Variants in PHYHIPL observed in about 807,000 individuals in gnomAD.
PHYHIPL encodes phytanoyl-CoA 2-hydroxylase interacting protein like.
PHYHIPL carries 9 observed loss-of-function variants against 33.4 expected under a neutral mutation model. The ratio of observed to expected loss-of-function variants is 0.27; its 90% CI spans 0.16 to 0.47. The LOEUF (loss-of-function observed/expected upper bound fraction) is 0.47, where lower values mean the gene tolerates loss of function less well. PHYHIPL is among the 20% of genes least tolerant of loss of function. The pLI is 0.99. For synonymous variants in PHYHIPL, 153 were observed against 154.1 expected (o/e 0.99, Z 0.05); for missense variants, 365 against 460.7 (o/e 0.79, Z 1.90).
intron 4 of PHYHIPL, among the ~76,000 whole-genome samples, chr10:59,242,964 A>C (rs1589302068): frequency 6.6e-6 from 1 of 152,318 alleles, no homozygotes; most frequent in East Asian, 1.9e-4. Context: ...GAAAAGACAA[A>C]GAGGGTGGGG....
At chr10:59,242,839 A>C (rs1840451671) in intron 4 of PHYHIPL, among the ~76,000 whole-genome samples, 1 of 152,228 alleles carries the variant, frequency 6.6e-6, no homozygotes, top group South Asian at 2.1e-4. Context: ...TGAAGATAGA[A>C]TAGAAATTAC....
At chr10:59,228,078 A>G (rs1405617207) in intron 1 of PHYHIPL, among the ~76,000 whole-genome samples, 1 of 151,626 alleles carries the variant, frequency 6.6e-6, no homozygotes, top group African/African-American at 2.4e-5. Flanking sequence ...AAAAACCAAT[A>G]TGATTCAACA....
chr10:59,222,218 G>A (rs1194646874), intron 1 of PHYHIPL, among the ~76,000 whole-genome samples: 4 of 151,946 alleles, frequency 2.6e-5, no homozygotes, highest in African/African-American at 9.7e-5. Flanking sequence ...CCAAAATCGG[G>A]GTGAAATGCC....
At chr10:59,224,514 C>G (rs1236403387) in intron 1 of PHYHIPL, among the ~76,000 whole-genome samples, 2 of 148,966 alleles carry the variant, frequency 1.3e-5, no homozygotes, top group Non-Finnish European at 3.0e-5. Flanking sequence ...AAACAAAAAA[C>G]AAAACAAAAC....
At chr10:59,197,143 A>G (rs2133209214) in intron 1 of PHYHIPL, among the ~76,000 whole-genome samples, 1 of 152,308 alleles carries the variant, frequency 6.6e-6, no homozygotes, top group African/African-American at 2.4e-5. Context: ...TTTCTCAGGC[A>G]TTGACCTTCA....
intron 1 of PHYHIPL, 110 bp from the exon 2 acceptor site, chr10:59,234,194 A>T: frequency 1.2e-6 from 1 of 826,880 alleles, no homozygotes. Context: ...AGTAAAGATG[A>T]TAAGGAGTAA....
chr10:59,186,596 A>G (rs1838612637), intron 1 of PHYHIPL, among the ~76,000 whole-genome samples: 1 of 152,090 alleles, frequency 6.6e-6, no homozygotes, highest in Non-Finnish European at 1.5e-5. Context: ...TCCTATCCAT[A>G]AGCATGGAAT....
In PHYHIPL at chr10:59,245,681, A is replaced by G; in HGVS notation, c.*90A>G. On this transcript the variant is annotated 3_prime_UTR_variant, in exon 5 of 5. Coordinates refer to ENST00000373880, the MANE Select transcript of PHYHIPL (RefSeq NM_032439.4). ...CCATTTTTATCACCAGATGTTTTCC[A>G]CTGAAGCATGCACATGCCACTGTCA... 7.3e-7 allele frequency: 1 copy of G among 1,376,422 alleles called. No homozygotes were observed. Among genetic ancestry groups the G allele is most frequent in the Non-Finnish European group, 9.8e-7 (1 of 1,018,578 alleles). 85.3% of individuals were successfully genotyped at this position (1,376,422 alleles called of 1,614,324 possible). A position where few individuals can be genotyped will look rare whatever the true frequency, so the allele number is the denominator to read the frequency against.
intron 1 of PHYHIPL, among the ~76,000 whole-genome samples, chr10:59,194,472 T>A (rs890666624): frequency 3.3e-5 from 5 of 152,206 alleles, no homozygotes; most frequent in African/African-American, 1.2e-4. Flanking sequence ...TTTCCCTGAA[T>A]GCATGCATAG....
intron 1 of PHYHIPL, among the ~76,000 whole-genome samples, chr10:59,209,195 A>G (rs917099497): frequency 7.2e-5 from 11 of 152,224 alleles, no homozygotes; most frequent in Non-Finnish European, 1.3e-4. Context: ...TGGGTTACCC[A>G]CAAAGGGAAG....
At chr10:59,218,913 C>CT (rs1290220522) in intron 1 of PHYHIPL, among the ~76,000 whole-genome samples, 2 of 151,698 alleles carry the variant, frequency 1.3e-5, no homozygotes, top group African/African-American at 2.4e-5. Context: ...ACAATTTATT[C>CT]TTTTTTATTT....
chr10:59,176,837 CAG>C lies in PHYHIPL; in HGVS notation c.-14_-13del. On this transcript the variant is annotated 5_prime_UTR_variant, in exon 1 of 5. Coordinates refer to ENST00000373880, the MANE Select transcript of PHYHIPL (RefSeq NM_032439.4). ...GCCTGGATACGAAGCAGGCGGGCTT[CAG>C]AGTGGGTTGGAAAAATGGAGGTGCC... 4 of 1,607,150 alleles carry C rather than the reference CAG, an allele frequency of 2.5e-6. No individual in the cohort carries two copies. The highest frequency in any genetic ancestry group is 3.4e-6 in the Non-Finnish European group (4 of 1,176,594).
chr10:59,204,865 T>G lies in PHYHIPL; in HGVS notation c.106+27906T>G, dbSNP rs893747134. Among the ~76,000 whole-genome samples the G allele has an allele frequency of 8.9e-5, 12 of 135,052 alleles. No individual in the cohort carries two copies. The East Asian group carries it at 1.2e-3, about 14-fold the overall frequency. 88.6% of individuals were successfully genotyped at this position (135,052 alleles called of 152,430 possible). Reference sequence around the variant, plus strand: ...TCAGTAGAAAGGAGTCTCATAAAGTTTTTTTTTTTTTTTTTTTGAGACAAT... The same window carrying G: ...TCAGTAGAAAGGAGTCTCATAAAGTGTTTTTTTTTTTTTTTTTGAGACAAT... On this transcript the variant is annotated intron_variant, in intron 1 of 4. Coordinates refer to ENST00000373880, the MANE Select transcript of PHYHIPL (RefSeq NM_032439.4).
At chr10:59,224,555 G>A (rs1490218135) in intron 1 of PHYHIPL, among the ~76,000 whole-genome samples, 2 of 151,790 alleles carry the variant, frequency 1.3e-5, no homozygotes, top group Non-Finnish European at 2.9e-5. Flanking sequence ...TATCAAAAGG[G>A]TTTAAAATAT....
intron 1 of PHYHIPL, among the ~76,000 whole-genome samples, chr10:59,230,212 C>CTTTTT (rs71006238): frequency 9.0e-4 from 111 of 123,208 alleles, no homozygotes; most frequent in Non-Finnish European, 1.2e-3. Context: ...AAATTGCTTT[C>CTTTTT]TTTTTTTTTT....
intron 1 of PHYHIPL, chr10:59,219,347 A>G (rs1589283274): frequency 2.1e-6 from 1 of 465,552 alleles, no homozygotes; most frequent in Non-Finnish European, 2.6e-6. Context: ...TATAAAAATG[A>G]AGTACCCATC....
At chr10:59,201,486 T>C (rs561083368) in intron 1 of PHYHIPL, among the ~76,000 whole-genome samples, 1 of 152,308 alleles carries the variant, frequency 6.6e-6, no homozygotes, top group Non-Finnish European at 1.5e-5. Context: ...AACTATGTGG[T>C]CAATTTTGGA....
intron 4 of PHYHIPL, among the ~76,000 whole-genome samples, chr10:59,242,424 C>T (rs201362179): frequency 1.0e-5 from 1 of 95,622 alleles, no homozygotes; most frequent in Admixed American, 8.5e-5. Context: ...GGTAGATAGT[C>T]AGGAGGAGGC....
At chr10:59,209,808 A>G (rs560261439) in intron 1 of PHYHIPL, among the ~76,000 whole-genome samples, 1 of 152,356 alleles carries the variant, frequency 6.6e-6, no homozygotes, top group East Asian at 1.9e-4. Context: ...GACAAAAACA[A>G]GCAATGGGGA....
Sources: gnomAD v4.1 joint callset for allele counts (sites outside exome capture counted in the v4.1 genomes callset) on GRCh38, gnomAD v4.1.1 for gene constraint, MANE v1.5 for transcripts, NCBI Gene and HGNC (gene_info 2026-07-23, HGNC 2026-07-21) for gene names.